Variants in PRR16 observed in about 807,000 individuals in gnomAD.
The protein encoded by PRR16 is protein Largen.
PRR16 carries 6 observed loss-of-function variants against 18.2 expected under a neutral mutation model. The observed-to-expected ratio is 0.33, with a 90% CI of 0.18 to 0.65. The LOEUF (loss-of-function observed/expected upper bound fraction) is 0.65. Ranked by LOEUF, PRR16 falls within the 30% of genes least tolerant of loss-of-function variation. PRR16 has a pLI of 0.74. For missense variants in PRR16, 412 were observed against 376.6 expected (o/e 1.09, Z -0.78); for synonymous variants, 151 against 147.8 (o/e 1.02, Z -0.16).
intron 1 of PRR16, among the ~76,000 whole-genome samples, chr5:120,642,858 T>C (rs1755468779): frequency 6.6e-6 from 1 of 152,116 alleles, no homozygotes; most frequent in African/African-American, 2.4e-5. Flanking sequence ...GTATAACATA[T>C]TGTTTTGTAA....
At chr5:120,516,148 T>A (rs1561526267) in intron 1 of PRR16, among the ~76,000 whole-genome samples, 1 of 151,876 alleles carries the variant, frequency 6.6e-6, no homozygotes, top group Non-Finnish European at 1.5e-5. Flanking sequence ...CAAAAGCTGG[T>A]CGTGGTGGTT....
At chr5:120,696,459 G>A in the PRR16 span, among the ~76,000 whole-genome samples, 1 of 152,122 alleles carries the variant, frequency 6.6e-6, no homozygotes, top group Admixed American at 6.6e-5. Context: ...TTGTATTCAA[G>A]TTGAAGAAAT....
intron 1 of PRR16, among the ~76,000 whole-genome samples, chr5:120,490,972 T>C (rs1750014182): frequency 6.6e-6 from 1 of 152,212 alleles, no homozygotes; most frequent in Non-Finnish European, 1.5e-5. Flanking sequence ...ACAGCGGATA[T>C]TGGTGAACAG....
At chr5:120,625,703 G>A (rs1580802072) in intron 1 of PRR16, among the ~76,000 whole-genome samples, 2 of 152,010 alleles carry the variant, frequency 1.3e-5, no homozygotes, top group South Asian at 4.1e-4. Context: ...AGTATACCAT[G>A]TTAATCAAGA....
At chr5:120,750,455 T>G in the PRR16 span, among the ~76,000 whole-genome samples, 1 of 151,956 alleles carries the variant, frequency 6.6e-6, no homozygotes, top group Non-Finnish European at 1.5e-5. Flanking sequence ...GGTCAGGAGT[T>G]CGAGACCAGC....
At chr5:120,535,924 G>A (rs1042606069) in intron 1 of PRR16, among the ~76,000 whole-genome samples, 3 of 152,164 alleles carry the variant, frequency 2.0e-5, no homozygotes, top group African/African-American at 4.8e-5. Context: ...GCAATATAGT[G>A]AGATTCCATC....
Position 120,630,607 on chromosome 5 carries a change from G to C in PRR16, c.160-55347G>C, listed in dbSNP as rs867581108. Among the ~76,000 whole-genome samples, 4 of 151,928 alleles carry C rather than the reference G, an allele frequency of 2.6e-5. No homozygotes were observed. In the South Asian group the frequency reaches 8.3e-4, roughly 31 times the overall value. ...TTTTTTCATGCACCCAGAATATGAG[G>C]AAAACATCCATGTCTTCTACCTTGA... On this transcript the variant is annotated intron_variant, in intron 1 of 1. Coordinates refer to ENST00000407149, the MANE Select transcript of PRR16 (RefSeq NM_001300783.2).
the PRR16 span, among the ~76,000 whole-genome samples, chr5:120,746,953 T>TAA: frequency 6.6e-6 from 1 of 152,154 alleles, no homozygotes; most frequent in East Asian, 1.9e-4. Flanking sequence ...TTCGAAGGAA[T>TAA]AAAAAGCAAG....
At chr5:120,695,337 T>C in the PRR16 span, among the ~76,000 whole-genome samples, 1 of 152,180 alleles carries the variant, frequency 6.6e-6, no homozygotes, top group Non-Finnish European at 1.5e-5. Flanking sequence ...AATTAGCTCC[T>C]CCATATGACT....
At chr5:120,474,603 A>G (rs1219806932) in intron 1 of PRR16, among the ~76,000 whole-genome samples, 5 of 144,876 alleles carry the variant, frequency 3.5e-5, no homozygotes, top group Admixed American at 6.8e-5. Flanking sequence ...TTTTTAAAAA[A>G]AAAACCCATT....
At chr5:120,743,160 C>A in the PRR16 span, among the ~76,000 whole-genome samples, 1 of 152,182 alleles carries the variant, frequency 6.6e-6, no homozygotes, top group East Asian at 1.9e-4. Context: ...ACTCTTTTCT[C>A]CTTTTTCTTC....
In PRR16 at chr5:120,651,163, T is replaced by G. The variant is rs1376898689; in HGVS notation, c.160-34791T>G. 2.5e-4 allele frequency among the ~76,000 whole-genome samples: 38 copies of G among 152,242 alleles called. No homozygotes were observed. The East Asian group carries it at 6.6e-3, about 26-fold the overall frequency. ...GTCTGTTCATATCCTTCGCCCACTT[T>G]TTGATGGGGTTGTTTGGTTTTTTCT... is the stretch of plus-strand genomic sequence containing the variant. On this transcript the variant is annotated intron_variant, in intron 1 of 1. Coordinates refer to ENST00000407149, the MANE Select transcript of PRR16 (RefSeq NM_001300783.2).
the PRR16 span, among the ~76,000 whole-genome samples, chr5:120,702,911 G>A: frequency 2.6e-5 from 4 of 152,254 alleles, no homozygotes; most frequent in African/African-American, 7.2e-5. Context: ...GGAGGACAGG[G>A]GATTGATCTC....
the PRR16 span, among the ~76,000 whole-genome samples, chr5:120,725,458 C>T: frequency 9.9e-5 from 15 of 151,878 alleles, no homozygotes; most frequent in South Asian, 3.1e-3. Context: ...GAGTTTGAGA[C>T]CAGGCTGGGA....
At chr5:120,520,179 T>G (rs1271733922) in intron 1 of PRR16, among the ~76,000 whole-genome samples, 3 of 152,166 alleles carry the variant, frequency 2.0e-5, no homozygotes, top group African/African-American at 7.2e-5. Flanking sequence ...GTGGATCACT[T>G]GATGTCAGGC....
At chr5:120,575,698 TG>T (rs1561553626) in intron 1 of PRR16, among the ~76,000 whole-genome samples, 1 of 152,166 alleles carries the variant, frequency 6.6e-6, no homozygotes, top group Non-Finnish European at 1.5e-5. Context: ...TCATACGGAA[TG>T]GGGAAAAGCT....
At chr5:120,538,440 C>A (rs1025534987) in intron 1 of PRR16, among the ~76,000 whole-genome samples, 1 of 152,172 alleles carries the variant, frequency 6.6e-6, no homozygotes, top group African/African-American at 2.4e-5. Context: ...TAAACCTCAA[C>A]TGCAAAATTT....
chr5:120,745,353 A>G, the PRR16 span, among the ~76,000 whole-genome samples: 2 of 152,134 alleles, frequency 1.3e-5, no homozygotes, highest in Non-Finnish European at 2.9e-5. Flanking sequence ...ATTAAGATCA[A>G]CCATTTTCCT....
At chr5:120,600,497 G>A (rs1472573297) in intron 1 of PRR16, among the ~76,000 whole-genome samples, 1 of 151,874 alleles carries the variant, frequency 6.6e-6, no homozygotes, top group African/African-American at 2.4e-5. Context: ...GCATGTAAGA[G>A]GTAGCAGGGC....
Sources: gnomAD v4.1 joint callset for allele counts (sites outside exome capture counted in the v4.1 genomes callset) on GRCh38, gnomAD v4.1.1 for gene constraint, MANE v1.5 for transcripts, NCBI Gene and HGNC (gene_info 2026-07-23, HGNC 2026-07-21) for gene names.